The following ANKRD30BL variants were observed in gnomAD, a reference collection of about 807,000 sequenced individuals.
ANKRD30BL encodes putative ankyrin repeat domain-containing protein 30B-like.
In ANKRD30BL, 20 loss-of-function variants were observed where a neutral mutation model predicts 18.4. That is an observed-to-expected ratio of 1.09 (90% CI 0.77 to 1.58). The LOEUF (loss-of-function observed/expected upper bound fraction) is 1.58, where lower values mean the gene tolerates loss of function less well. Among genes scored for constraint, ANKRD30BL ranks in the 40% most tolerant of loss-of-function variants. The pLI is 0.00. For synonymous variants in ANKRD30BL, 72 were observed against 100.9 expected, an observed-to-expected ratio of 0.71 and a Z score of 1.72; for missense variants, 224 against 268.6, an observed-to-expected ratio of 0.83 and a Z score of 1.16.
At chr2:132,233,771 G>C (rs1680081637) in intron 1 of ANKRD30BL, among the ~76,000 whole-genome samples, 1 of 147,752 alleles carries the variant, frequency 6.8e-6, no homozygotes, top group Non-Finnish European at 1.5e-5. Context: ...ACATTAGACA[G>C]ATCAACGAGA....
chr2:132,209,094 G>A (rs1384305248), intron 1 of ANKRD30BL, among the ~76,000 whole-genome samples: 5 of 151,530 alleles, frequency 3.3e-5, no homozygotes, highest in South Asian at 2.1e-4. Flanking sequence ...TCTCTTGATT[G>A]AGCAGTTTTG....
intron 1 of ANKRD30BL, among the ~76,000 whole-genome samples, chr2:132,200,557 G>A (rs1221360386): frequency 6.6e-6 from 1 of 152,020 alleles, no homozygotes; most frequent in Non-Finnish European, 1.5e-5. Context: ...GCTTCAAAGA[G>A]AATAAAATAC....
chr2:132,252,376 G>A (rs1680673092), intron 1 of ANKRD30BL, among the ~76,000 whole-genome samples: 2 of 152,246 alleles, frequency 1.3e-5, no homozygotes, highest in African/African-American at 4.8e-5. Context: ...CCCAGGCACA[G>A]CCCAGAGCTG....
upstream of ANKRD30BL, among the ~76,000 whole-genome samples, chr2:132,165,635 T>C (rs1688175907): frequency 1.3e-5 from 2 of 151,838 alleles, no homozygotes; most frequent in African/African-American, 2.4e-5. Context: ...GGCAGGAGAA[T>C]TGTTTGAACC....
chr2:132,249,161 A>G (rs1680583593), intron 1 of ANKRD30BL, among the ~76,000 whole-genome samples: 3 of 152,004 alleles, frequency 2.0e-5, no homozygotes, highest in Non-Finnish European at 4.4e-5. Context: ...CAAAGTGTTC[A>G]CAAATATCCC....
At chr2:132,160,493 C>G (rs982844506) in intron 1 of ANKRD30BL, among the ~76,000 whole-genome samples, 1 of 148,142 alleles carries the variant, frequency 6.8e-6, no homozygotes, top group African/African-American at 2.5e-5. Context: ...GGCTGGAGTG[C>G]AGTGGTGCGA....
intron 1 of ANKRD30BL, among the ~76,000 whole-genome samples, chr2:132,234,477 A>C (rs1280603928): frequency 6.6e-6 from 1 of 152,174 alleles, no homozygotes; most frequent in Non-Finnish European, 1.5e-5. Flanking sequence ...AGAATCAAAT[A>C]GACACAATAA....
At chr2:132,250,571 T>C (rs1680624286) in intron 1 of ANKRD30BL, among the ~76,000 whole-genome samples, 2 of 152,182 alleles carry the variant, frequency 1.3e-5, no homozygotes, top group Non-Finnish European at 2.9e-5. Flanking sequence ...TCACTTTATT[T>C]TGTAGAAAAG....
At chr2:132,217,043 A>T (rs1200845967) in intron 1 of ANKRD30BL, among the ~76,000 whole-genome samples, 1 of 152,054 alleles carries the variant, frequency 6.6e-6, no homozygotes, top group Non-Finnish European at 1.5e-5. Flanking sequence ...ACGAATCTGC[A>T]AGTGGACATT....
At chr2:132,170,899 G>A (rs1212237668) in intron 1 of ANKRD30BL, among the ~76,000 whole-genome samples, 1 of 152,200 alleles carries the variant, frequency 6.6e-6, no homozygotes, top group Non-Finnish European at 1.5e-5. Flanking sequence ...GCTCACGCCT[G>A]TAAGCCCAGC....
chr2:132,165,454 G>C (rs1040536749), upstream of ANKRD30BL, among the ~76,000 whole-genome samples: 7 of 151,858 alleles, frequency 4.6e-5, no homozygotes, highest in Admixed American at 3.3e-4. Context: ...AGCACTTTGG[G>C]AGGCCGAGGC....
At chr2:132,202,851 C>T (rs1356592114) in intron 1 of ANKRD30BL, among the ~76,000 whole-genome samples, 1 of 152,172 alleles carries the variant, frequency 6.6e-6, no homozygotes, top group African/African-American at 2.4e-5. Flanking sequence ...CGGAATGCAA[C>T]TTAAAATTTC....
At chr2:132,240,599 T>C (rs2104794360) in intron 1 of ANKRD30BL, among the ~76,000 whole-genome samples, 1 of 151,986 alleles carries the variant, frequency 6.6e-6, no homozygotes, top group Non-Finnish European at 1.5e-5. Context: ...AACATTCTTT[T>C]TGTCAAAATC....
At chr2:132,151,138 T>C (rs1037289564) in intron 4 of ANKRD30BL, among the ~76,000 whole-genome samples, 162 bp from the exon 5 acceptor site, 2 of 152,142 alleles carry the variant, frequency 1.3e-5, no homozygotes, top group African/African-American at 4.8e-5. Flanking sequence ...TATGAACTTA[T>C]TAAGCTTCTA....
At chr2:132,177,924 A>G (rs1688393833) in intron 1 of ANKRD30BL, among the ~76,000 whole-genome samples, 1 of 151,966 alleles carries the variant, frequency 6.6e-6, no homozygotes, top group Admixed American at 6.5e-5. Flanking sequence ...TGTTTTTTAC[A>G]GTTGGTATGC....
intron 1 of ANKRD30BL, among the ~76,000 whole-genome samples, chr2:132,249,344 T>A (rs1258088015): frequency 1.3e-5 from 2 of 152,064 alleles, no homozygotes; most frequent in Non-Finnish European, 2.9e-5. Flanking sequence ...CAAATATCCA[T>A]TTGCAGATTC....
At chr2:132,240,236 A>G (rs937987466) in intron 1 of ANKRD30BL, among the ~76,000 whole-genome samples, 2 of 151,810 alleles carry the variant, frequency 1.3e-5, no homozygotes, top group Non-Finnish European at 2.9e-5. Context: ...TTCCTTATAT[A>G]GAGCAGATTT....
intron 1 of ANKRD30BL, among the ~76,000 whole-genome samples, chr2:132,245,882 G>A (rs116845941): frequency 6.7e-6 from 1 of 150,368 alleles, no homozygotes; most frequent in East Asian, 2.0e-4. Context: ...TAGAGCAATT[G>A]GAAACACTCT....
At chr2:132,151,900 T>C (rs1317975200) in intron 4 of ANKRD30BL, among the ~76,000 whole-genome samples, 2 of 152,220 alleles carry the variant, frequency 1.3e-5, no homozygotes, top group South Asian at 2.1e-4. Flanking sequence ...CTAGTCTTTA[T>C]CTACCTCCTT....
Sources: gnomAD v4.1 joint callset for allele counts (sites outside exome capture counted in the v4.1 genomes callset) on GRCh38, gnomAD v4.1.1 for gene constraint, MANE v1.5 for transcripts, NCBI Gene and HGNC (gene_info 2026-07-23, HGNC 2026-07-21) for gene names.